The following CDC73 variants were observed in gnomAD, a reference collection of about 807,000 sequenced individuals.
CDC73 encodes parafibromin.
A neutral mutation model predicts 83.7 loss-of-function variants in CDC73; 21 were observed. That is an observed-to-expected ratio of 0.25 (90% CI 0.18 to 0.36). CDC73 has a LOEUF of 0.36. Ranked by LOEUF, CDC73 falls within the 10% of genes least tolerant of loss-of-function variation. The pLI is 1.00. For missense variants in CDC73, 342 were observed against 653.3 expected, an observed-to-expected ratio of 0.52 and a Z score of 5.19; for synonymous variants, 224 against 212.9, an observed-to-expected ratio of 1.05 and a Z score of -0.45.
intron 10 of CDC73, among the ~76,000 whole-genome samples, chr1:193,160,950 A>G (rs990450105): frequency 6.6e-6 from 1 of 151,650 alleles, no homozygotes; most frequent in African/African-American, 2.4e-5. Flanking sequence ...TAGATTTTTG[A>G]GTGACTTTTT....
At chr1:193,231,991 A>G (rs183449549) in intron 13 of CDC73, among the ~76,000 whole-genome samples, 1 of 152,204 alleles carries the variant, frequency 6.6e-6, no homozygotes, top group Admixed American at 6.5e-5. Flanking sequence ...TTTAGAAAAT[A>G]AGACTTTTAA....
chr1:193,166,861 G>T (rs1015713735), intron 10 of CDC73, among the ~76,000 whole-genome samples: 9 of 151,990 alleles, frequency 5.9e-5, no homozygotes, highest in African/African-American at 1.9e-4. Context: ...GGTCAGGCTG[G>T]TCACAAATTT....
intron 1 of CDC73, 48 bp downstream of exon 1, chr1:193,122,379 C>G (rs1435338308): frequency 6.2e-7 from 1 of 1,612,502 alleles, no homozygotes; most frequent in Admixed American, 1.7e-5. Context: ...CAGAGTTGGG[C>G]GCCCCCAGGC....
At chr1:193,157,612 G>C (rs1003502244) in intron 10 of CDC73, among the ~76,000 whole-genome samples, 1 of 152,174 alleles carries the variant, frequency 6.6e-6, no homozygotes, top group African/African-American at 2.4e-5. Flanking sequence ...CTTTAGATAA[G>C]AGGTTTTCTC....
Position 193,212,562 on chromosome 1 carries a change from T to C in CDC73, c.1154+85T>C, listed in dbSNP as rs546516958. Reference sequence around the variant, plus strand: ...AGTTACTGAATCAGTATTACTTATTTGGAAAAAACAAAATTTCGGTTTCTG... The same window carrying C: ...AGTTACTGAATCAGTATTACTTATTCGGAAAAAACAAAATTTCGGTTTCTG... On this transcript the variant is annotated intron_variant, in intron 13 of 16. Coordinates refer to ENST00000367435, the MANE Select transcript of CDC73 (RefSeq NM_024529.5). 6.5e-6 allele frequency: 6 copies of C among 918,390 alleles called. No individual in the cohort carries two copies. In the East Asian group the frequency reaches 1.5e-4, roughly 23 times the overall value. 56.9% of individuals were successfully genotyped at this position (918,390 alleles called of 1,614,324 possible). A position where few individuals can be genotyped will look rare whatever the true frequency, so the allele number is the denominator to read the frequency against.
intron 13 of CDC73, 140 bp downstream of exon 13, chr1:193,212,617 A>G (rs1330137303): frequency 4.2e-6 from 2 of 476,908 alleles, no homozygotes; most frequent in Non-Finnish European, 7.7e-6. Context: ...AGTATGAAGC[A>G]TACATTTTCA....
At chr1:193,176,654 A>G (rs925421558) in intron 10 of CDC73, among the ~76,000 whole-genome samples, 1 of 152,206 alleles carries the variant, frequency 6.6e-6, no homozygotes, top group Non-Finnish European at 1.5e-5. Flanking sequence ...ATGTCTGTCA[A>G]TAGGAATTTT....
At chr1:193,214,045 TTTAACC>T (rs1421489659) in intron 13 of CDC73, among the ~76,000 whole-genome samples, 11 of 152,206 alleles carry the variant, frequency 7.2e-5, no homozygotes, top group Middle Eastern at 3.2e-3. Flanking sequence ...TTCCCTCTAC[TTTAACC>T]TTTTGTTGAT....
At chr1:193,152,347 A>C (rs763809774) in intron 9 of CDC73, 33 bp from the exon 10 acceptor site, 62 of 1,438,126 alleles carry the variant, frequency 4.3e-5, no homozygotes, top group Non-Finnish European at 5.9e-5. Flanking sequence ...ATGATCTATA[A>C]AATCTTAACA....
At chr1:193,189,598 C>T (rs1025645850) in intron 10 of CDC73, among the ~76,000 whole-genome samples, 4 of 152,100 alleles carry the variant, frequency 2.6e-5, no homozygotes, top group Admixed American at 6.5e-5. Flanking sequence ...ACAACACATC[C>T]GTGATGGCAA....
At chr1:193,215,076 A>G (rs1677342223) in intron 13 of CDC73, among the ~76,000 whole-genome samples, 1 of 152,236 alleles carries the variant, frequency 6.6e-6, no homozygotes, top group African/African-American at 2.4e-5. Context: ...ACTCAGTTTC[A>G]ATGCCTTATT....
chr1:193,202,238 A>G (rs1253952329), intron 10 of CDC73, among the ~76,000 whole-genome samples: 4 of 152,090 alleles, frequency 2.6e-5, no homozygotes, highest in East Asian at 1.9e-4. Context: ...GTTCAGTTCA[A>G]CTAGCTGCAG....
intron 11 of CDC73, among the ~76,000 whole-genome samples, chr1:193,204,662 G>A (rs1430380358): frequency 6.6e-6 from 1 of 152,034 alleles, no homozygotes; most frequent in Non-Finnish European, 1.5e-5. Context: ...ATAAAACACT[G>A]TTTTTCAATA....
intron 6 of CDC73, among the ~76,000 whole-genome samples, chr1:193,140,781 T>TA (rs984162811): frequency 2.0e-5 from 3 of 152,274 alleles, no homozygotes; most frequent in Non-Finnish European, 2.9e-5. Flanking sequence ...ATTTAAAACT[T>TA]ACGAATTATT....
chr1:193,178,131 G>T (rs1676644020), intron 10 of CDC73, among the ~76,000 whole-genome samples: 1 of 152,064 alleles, frequency 6.6e-6, no homozygotes, highest in East Asian at 1.9e-4. Flanking sequence ...AACGACTTGA[G>T]TATTGTTGCG....
intron 13 of CDC73, among the ~76,000 whole-genome samples, chr1:193,221,092 T>C (rs1252261039): frequency 2.0e-5 from 3 of 152,310 alleles, no homozygotes; most frequent in Non-Finnish European, 4.4e-5. Flanking sequence ...TATTTTATTG[T>C]TATTTGTAGC....
Position 193,122,148 on chromosome 1 carries a change from A to G in CDC73, c.-53A>G. 1 of 1,573,892 alleles carries G rather than the reference A, an allele frequency of 6.4e-7. No individual in the cohort carries two copies. Among genetic ancestry groups the G allele is most frequent in the Non-Finnish European group, 8.7e-7 (1 of 1,144,520 alleles). On this transcript the variant is annotated 5_prime_UTR_variant, in exon 1 of 17. Coordinates refer to ENST00000367435, the MANE Select transcript of CDC73 (RefSeq NM_024529.5). ...CGAGGCGACAAGAGAAGAAGGAGGC[A>G]GGCGCGGCGGCAGCGGCGGCGCCCC...
At chr1:193,199,559 A>G (rs1677055499) in intron 10 of CDC73, among the ~76,000 whole-genome samples, 1 of 151,786 alleles carries the variant, frequency 6.6e-6, no homozygotes, top group Non-Finnish European at 1.5e-5. Context: ...TAAAAATACA[A>G]ACATTAGCCG....
At chr1:193,159,637 C>G (rs775524663) in intron 10 of CDC73, among the ~76,000 whole-genome samples, 2 of 152,220 alleles carry the variant, frequency 1.3e-5, no homozygotes, top group Non-Finnish European at 2.9e-5. Context: ...GCTTGGATTA[C>G]AGGCGTGAGC....
Sources: gnomAD v4.1 joint callset for allele counts (sites outside exome capture counted in the v4.1 genomes callset) on GRCh38, gnomAD v4.1.1 for gene constraint, MANE v1.5 for transcripts, NCBI Gene and HGNC (gene_info 2026-07-23, HGNC 2026-07-21) for gene names.